ZC3H12B: variants seen among roughly 807,000 people sequenced by gnomAD.
The protein encoded by ZC3H12B is zinc finger CCCH-type containing 12B, also known as probable ribonuclease ZC3H12B.
In ZC3H12B, 7 loss-of-function variants were observed where a neutral mutation model predicts 43.9. The observed-to-expected ratio is 0.16, with a 90% CI of 0.09 to 0.30. The LOEUF (loss-of-function observed/expected upper bound fraction) is 0.30. ZC3H12B is among the 10% of genes least tolerant of loss of function. The pLI is 1.00. For synonymous variants in ZC3H12B, 222 were observed against 241.7 expected (o/e 0.92, Z 0.76); for missense variants, 475 against 670.2 (o/e 0.71, Z 3.22).
At chrX:65,261,727 A>G in the ZC3H12B span, among the ~76,000 whole-genome samples, 1 of 111,492 alleles carries the variant, frequency 9.0e-6, no homozygotes, top group East Asian at 2.8e-4. Context: ...TTTTAAGGAA[A>G]GTTTAAGAAA....
At chrX:65,260,028 G>A in the ZC3H12B span, among the ~76,000 whole-genome samples, 1 of 111,325 alleles carries the variant, frequency 9.0e-6, no homozygotes, top group Admixed American at 9.6e-5. Flanking sequence ...CTGTGAGGAT[G>A]CAAAGGCATA....
At chrX:65,200,809 G>C in the ZC3H12B span, among the ~76,000 whole-genome samples, 35 of 110,665 alleles carry the variant, frequency 3.2e-4, no homozygotes, top group South Asian at 0.011. Flanking sequence ...TTTTGTTTTT[G>C]TTGCAATTGC....
chrX:65,434,361 C>T (rs547201953), intron 3 of ZC3H12B, among the ~76,000 whole-genome samples: 2 of 112,096 alleles, frequency 1.8e-5, no homozygotes, highest in South Asian at 7.5e-4. Context: ...CTTCCTAAGC[C>T]TTTGAATCCC....
chrX:65,066,701 G>A, the ZC3H12B span, among the ~76,000 whole-genome samples: 3 of 112,019 alleles, frequency 2.7e-5, no homozygotes, highest in East Asian at 8.5e-4. Flanking sequence ...CTTTAGAGCT[G>A]GCAGGCAGGA....
At chrX:65,416,113 C>A (rs1457606126) in intron 3 of ZC3H12B, among the ~76,000 whole-genome samples, 2 of 111,565 alleles carry the variant, frequency 1.8e-5, no homozygotes, top group East Asian at 5.6e-4. Context: ...TAATTAACAC[C>A]CATGACCACA....
At chrX:65,239,798 G>A in the ZC3H12B span, among the ~76,000 whole-genome samples, 233 of 112,080 alleles carry the variant, frequency 2.1e-3, no homozygotes, top group Non-Finnish European at 3.7e-3. Context: ...GCATTTGCTT[G>A]TCTTCAAGGG....
intron 3 of ZC3H12B, among the ~76,000 whole-genome samples, chrX:65,443,801 A>T (rs1381958655): frequency 8.9e-6 from 1 of 112,628 alleles, no homozygotes; most frequent in Admixed American, 9.4e-5. Flanking sequence ...ATTTATGGCC[A>T]GTTTTGGGGC....
the ZC3H12B span, among the ~76,000 whole-genome samples, chrX:65,073,681 C>T: frequency 8.9e-6 from 1 of 112,153 alleles, no homozygotes; most frequent in East Asian, 2.8e-4. Context: ...GTGCTCCCTC[C>T]TACCACTTCT....
At chrX:65,421,470 A>T (rs1198059362) in intron 3 of ZC3H12B, among the ~76,000 whole-genome samples, 1 of 112,216 alleles carries the variant, frequency 8.9e-6, no homozygotes, top group African/African-American at 3.2e-5. Context: ...TAGCAGGTTG[A>T]TTACATTGGA....
chrX:65,297,487 G>T, the ZC3H12B span, among the ~76,000 whole-genome samples: 2 of 111,627 alleles, frequency 1.8e-5, no homozygotes, highest in African/African-American at 3.3e-5. Flanking sequence ...ACTACTGAAA[G>T]AAATTATATA....
At chrX:65,131,569 G>A in the ZC3H12B span, among the ~76,000 whole-genome samples, 21 of 111,374 alleles carry the variant, frequency 1.9e-4, no homozygotes, top group Admixed American at 2.9e-4. Context: ...GAGGAGTGGC[G>A]AAAAGATTTA....
Position 65,418,316 on chromosome X carries a change from G to T in ZC3H12B, n.407+19612G>T, listed in dbSNP as rs190377638. 1.2e-3 allele frequency among the ~76,000 whole-genome samples: 130 copies of T among 111,382 alleles called. 1 individual carries two copies. The highest frequency in any genetic ancestry group is 4.0e-3 in the African/African-American group (122 of 30,664). On this transcript the variant is annotated intron_variant and non_coding_transcript_variant, in intron 3 of 5. Coordinates refer to the ZC3H12B transcript ENST00000617377. Reference sequence around the variant, plus strand: ...TAATGGAGGAATTTGAGATACACTGGCCTATCATTCCAAAAGTTAGACATC... The same window carrying T: ...TAATGGAGGAATTTGAGATACACTGTCCTATCATTCCAAAAGTTAGACATC...
At chrX:65,092,501 G>A in the ZC3H12B span, among the ~76,000 whole-genome samples, 1 of 111,883 alleles carries the variant, frequency 8.9e-6, no homozygotes, top group East Asian at 2.8e-4. Flanking sequence ...CCAGGCTCAG[G>A]AGGTCTCACC....
chrX:65,419,459 A>G (rs1209101397), intron 3 of ZC3H12B, among the ~76,000 whole-genome samples: 1 of 112,135 alleles, frequency 8.9e-6, no homozygotes, highest in Non-Finnish European at 1.9e-5. Context: ...TTGAAGAAAC[A>G]TGGTAAGTCT....
At chrX:65,081,403 A>G in the ZC3H12B span, among the ~76,000 whole-genome samples, 1 of 111,584 alleles carries the variant, frequency 9.0e-6, no homozygotes. Context: ...CATTACCTAT[A>G]AAGACACACA....
chrX:65,091,335 C>CT, the ZC3H12B span, among the ~76,000 whole-genome samples: 1 of 111,012 alleles, frequency 9.0e-6, no homozygotes, highest in Non-Finnish European at 1.9e-5. Flanking sequence ...GAGTGTGGCC[C>CT]TATTGACACG....
chrX:65,154,439 T>A, the ZC3H12B span, among the ~76,000 whole-genome samples: 1 of 111,957 alleles, frequency 8.9e-6, no homozygotes, highest in Non-Finnish European at 1.9e-5. Flanking sequence ...TTCCATCTTG[T>A]TACAAAATAA....
At chrX:65,042,429 A>G in the ZC3H12B span, among the ~76,000 whole-genome samples, 1 of 112,721 alleles carries the variant, frequency 8.9e-6, no homozygotes, top group African/African-American at 3.2e-5. Context: ...GTATAAGCTT[A>G]GAAAAAAATA....
At chrX:65,047,445 G>A in the ZC3H12B span, among the ~76,000 whole-genome samples, 36 of 110,239 alleles carry the variant, frequency 3.3e-4, no homozygotes, top group African/African-American at 1.1e-3. Context: ...TGTGTGTATA[G>A]CTCTACTCAT....
Sources: gnomAD v4.1 joint callset for allele counts (sites outside exome capture counted in the v4.1 genomes callset) on GRCh38, gnomAD v4.1.1 for gene constraint, MANE v1.5 for transcripts, NCBI Gene and HGNC (gene_info 2026-07-23, HGNC 2026-07-21) for gene names.